Variants in TWF1 observed in about 807,000 individuals in gnomAD.
TWF1 encodes twinfilin actin binding protein 1.
In TWF1, 14 loss-of-function variants were observed where a neutral mutation model predicts 47.9. The ratio of observed to expected loss-of-function variants is 0.29; its 90% CI spans 0.19 to 0.46. The LOEUF is 0.46. TWF1 is among the 20% of genes least tolerant of loss of function. The probability of loss-of-function intolerance (pLI) is 1.00; values close to 1 mark genes in which losing one functional copy is unlikely to be tolerated. For missense variants in TWF1, 281 were observed against 409.3 expected (o/e 0.69, Z 2.70); for synonymous variants, 96 against 139.2 (o/e 0.69, Z 2.18).
At chr12:43,798,058 A>G (rs982043796) in intron 5 of TWF1, among the ~76,000 whole-genome samples, 1 of 152,088 alleles carries the variant, frequency 6.6e-6, no homozygotes, top group East Asian at 1.9e-4. Context: ...ATGAGTGTAC[A>G]GTTAGTGGGG....
chr12:43,800,419 C>T lies in TWF1; in HGVS notation c.378+16G>A, dbSNP rs529426982. The T allele has an allele frequency of 8.8e-6, 14 of 1,589,160 alleles. No homozygotes were observed. In the African/African-American group the frequency reaches 9.4e-5, roughly 11 times the overall value. Reference sequence around the variant, plus strand: ...TTTTAATTGCAACATATAGAATCCACATACAAACATAATACCTTTACTGTT... The same window carrying T: ...TTTTAATTGCAACATATAGAATCCATATACAAACATAATACCTTTACTGTT... On this transcript the variant is annotated intron_variant, in intron 4 of 8. Coordinates refer to ENST00000395510, the MANE Select transcript of TWF1 (RefSeq NM_002822.5).
chr12:43,805,723 A>G (rs1356611344), intron 1 of TWF1: 1 of 1,104,618 alleles, frequency 9.1e-7, no homozygotes, highest in Middle Eastern at 2.4e-4. Flanking sequence ...AAAATGCGGG[A>G]GAGTTTTGGG....
chr12:43,801,859 G>A (rs1432439051), intron 3 of TWF1, among the ~76,000 whole-genome samples: 2 of 151,952 alleles, frequency 1.3e-5, no homozygotes, highest in Admixed American at 1.3e-4. Flanking sequence ...GTGAAACCCC[G>A]TCTCTACTAA....
intron 1 of TWF1, 142 bp from the exon 2 acceptor site, chr12:43,804,714 G>A (rs748386643): frequency 3.8e-6 from 2 of 532,492 alleles, no homozygotes; most frequent in East Asian, 3.4e-5. Flanking sequence ...AAACTTTACC[G>A]CATAAAATAA....
At position 43,801,900 on chromosome 12, in the gene TWF1, C is replaced by T. The variant is rs11182270; in HGVS notation, c.282+386G>A. Among the ~76,000 whole-genome samples the T allele has an allele frequency of 6.3e-3, 956 of 152,224 alleles. 22 individuals carry two copies. The East Asian group carries it at 0.074, about 12-fold the overall frequency. ...TAAAAATTAGCTGGGCGTGGTGGCA[C>T]ATGCCTGTAATCCCAGCTACTCAAG... On this transcript the variant is annotated intron_variant, in intron 3 of 8. Coordinates refer to ENST00000395510, the MANE Select transcript of TWF1 (RefSeq NM_002822.5).
chr12:43,802,840 T>C (rs1320079294), intron 2 of TWF1, among the ~76,000 whole-genome samples: 1 of 152,190 alleles, frequency 6.6e-6, no homozygotes, highest in Non-Finnish European at 1.5e-5. Context: ...TTCAAAAGTA[T>C]AATTTCTGAC....
chr12:43,799,342 A>G, intron 5 of TWF1, 56 bp downstream of exon 5: 2 of 1,157,388 alleles, frequency 1.7e-6, no homozygotes, highest in Non-Finnish European at 2.5e-6. Flanking sequence ...ATTAATTAAA[A>G]ATACAGTATT....
Position 43,797,309 on chromosome 12 carries a change from C to A in TWF1, c.753G>T (p.Glu251Asp), listed in dbSNP as rs1435267652. 6.3e-7 allele frequency: 1 copy of A among 1,592,454 alleles called. No individual in the cohort carries two copies. Among genetic ancestry groups the A allele is most frequent in the African/African-American group, 1.4e-5 (1 of 73,884 alleles). Reference sequence around the variant, plus strand: ...AAACAATGTATCATATACCTATGGACTCTAAATAGTCTCCTTCATGGGAAT... The same window carrying A: ...AAACAATGTATCATATACCTATGGAATCTAAATAGTCTCCTTCATGGGAAT... The part of the protein sequence containing the change: ...YKHSHEGDYL[E>D]SIVFIYSMPG... Residue 251 changes from glutamate (E) to aspartate (D), a missense_variant, in exon 7 of 9, where the codon GAG (glutamate) becomes GAT (aspartate). Coordinates refer to ENST00000395510, the MANE Select transcript of TWF1 (RefSeq NM_002822.5).
intron 8 of TWF1, among the ~76,000 whole-genome samples, chr12:43,796,161 T>C (rs1233623047): frequency 6.6e-6 from 1 of 152,178 alleles, no homozygotes; most frequent in East Asian, 1.9e-4. Flanking sequence ...GTAAGATTGT[T>C]TTACATTTTT....
rs1038703816 is a variant in TWF1, at chr12:43,800,653, C to T, written c.283-123G>A. Reference sequence around the variant, plus strand: ...AAACAAAACTGAGCTGAAGTCCACCCACTATAATATGCTAAAATACGTGTG... The same window carrying T: ...AAACAAAACTGAGCTGAAGTCCACCTACTATAATATGCTAAAATACGTGTG... On this transcript the variant is annotated intron_variant, in intron 3 of 8. Coordinates refer to ENST00000395510, the MANE Select transcript of TWF1 (RefSeq NM_002822.5). The T allele has an allele frequency of 2.1e-5, 14 of 681,134 alleles. No homozygotes were observed. In the Middle Eastern group the frequency reaches 8.1e-4, roughly 39 times the overall value. 42.2% of individuals were successfully genotyped at this position (681,134 alleles called of 1,614,324 possible).
At position 43,799,439 on chromosome 12, in the gene TWF1, TCAGTGGGG is replaced by T. The variant is rs1942618554; in HGVS notation, c.434_441del (p.Ala145AspfsTer4). 1 of 1,610,300 alleles carries T rather than the reference TCAGTGGGG, an allele frequency of 6.2e-7. No homozygotes were observed. Among genetic ancestry groups the T allele is most frequent in the African/African-American group, 1.3e-5 (1 of 74,792 alleles). ...TGTCGTAGTTCTTCCTCAGCTGCAG[TCAGTGGGG>T]CAGGGGAAGATTGTGACAGCAAGTA... On this transcript the variant is annotated frameshift_variant, in exon 5 of 9. Coordinates refer to ENST00000395510, the MANE Select transcript of TWF1 (RefSeq NM_002822.5). LOFTEE classifies it high-confidence loss of function.
Position 43,797,043 on chromosome 12 carries a change from T to C in TWF1, c.815A>G (p.Tyr272Cys), listed in dbSNP as rs374701874. 2.5e-6 allele frequency: 4 copies of C among 1,611,306 alleles called. No individual in the cohort carries two copies. Among genetic ancestry groups the C allele is most frequent in the Non-Finnish European group, 3.4e-6 (4 of 1,178,740 alleles). The stretch of plus-strand genomic sequence containing the variant: ...TAGCAGACGGCTCTTGCAGCTAGAA[T>C]ACAGCATCCGCTCTCTTATACTGCA... ...YTCSIRERML[Y>C]SSCKSRLLEI... The change falls in exon 8 of 9, where the codon TAT (tyrosine) becomes TGT (cysteine). Residue 272 changes from tyrosine (Y) to cysteine (C), a missense_variant. Physicochemically the swap from Tyr to Cys is radical, Grantham distance 194. Transcript: ENST00000395510.
At chr12:43,802,685 C>G (rs1408684253) in intron 2 of TWF1, among the ~76,000 whole-genome samples, 1 of 152,096 alleles carries the variant, frequency 6.6e-6, no homozygotes, top group Non-Finnish European at 1.5e-5. Context: ...TTAAAATATA[C>G]ACAGCCTAAG....
intron 2 of TWF1, among the ~76,000 whole-genome samples, chr12:43,802,777 A>G (rs1942686355): frequency 6.6e-6 from 1 of 152,180 alleles, no homozygotes; most frequent in African/African-American, 2.4e-5. Flanking sequence ...TTACATTTCT[A>G]TTTTCCAAAA....
intron 1 of TWF1, chr12:43,805,834 G>A (rs1461747652): frequency 7.2e-7 from 1 of 1,391,872 alleles, no homozygotes; most frequent in Non-Finnish European, 9.5e-7. Context: ...AACTCGCCTG[G>A]TTCTCGACAG....
At chr12:43,799,965 C>T (rs1942629013) in intron 4 of TWF1, among the ~76,000 whole-genome samples, 2 of 151,960 alleles carry the variant, frequency 1.3e-5, no homozygotes, top group Non-Finnish European at 2.9e-5. Flanking sequence ...AAGAGGTCTA[C>T]CTATCATCAA....
Position 43,805,945 on chromosome 12 carries a change from C to T in TWF1, c.25+276G>A, listed in dbSNP as rs749074797. ...TCGGGGACGGTGGAAGGCACGCCCC[C>T]TTCAACCAGGCCGCCTCGAAAGCCA... On this transcript the variant is annotated intron_variant, in intron 1 of 8. Coordinates refer to ENST00000395510, the MANE Select transcript of TWF1 (RefSeq NM_002822.5). The T allele has an allele frequency of 2.0e-6, 3 of 1,536,290 alleles. No homozygotes were observed. The South Asian group carries it at 3.3e-5, about 17-fold the overall frequency.
At chr12:43,797,649 A>G (rs989587609) in intron 6 of TWF1, 59 bp downstream of exon 6, 3 of 1,571,082 alleles carry the variant, frequency 1.9e-6, no homozygotes, top group African/African-American at 1.4e-5. Flanking sequence ...AATAAACCCT[A>G]TATGAGTCAT....
chr12:43,803,201 A>G (rs539804081), intron 2 of TWF1, among the ~76,000 whole-genome samples: 1 of 152,272 alleles, frequency 6.6e-6, no homozygotes, highest in East Asian at 1.9e-4. Flanking sequence ...CAAATGGAAC[A>G]TTTTCAGAAA....
Sources: allele counts gnomAD v4.1 joint callset (sites outside exome capture counted in the v4.1 genomes callset), GRCh38; gene constraint gnomAD v4.1.1; transcripts MANE v1.5; gene names NCBI Gene and HGNC (gene_info 2026-07-23, HGNC 2026-07-21).